The following LAMA2 variants were observed in gnomAD, a reference collection of about 807,000 sequenced individuals.
LAMA2 encodes laminin subunit alpha-2.
LAMA2 carries 269 observed loss-of-function variants against 364.8 expected under a neutral mutation model. That is an observed-to-expected ratio of 0.74 (90% CI 0.67 to 0.82). LAMA2 has a LOEUF of 0.82. Ranked by LOEUF, LAMA2 falls within the 40% of genes least tolerant of loss-of-function variation. The probability of loss-of-function intolerance (pLI) is 0.00; values close to 1 mark genes in which losing one functional copy is unlikely to be tolerated. For synonymous variants in LAMA2, 1,379 were observed against 1,370.6 expected (o/e 1.01, Z -0.14); for missense variants, 3,807 against 3,873.2 (o/e 0.98, Z 0.45).
rs545343848 is a variant in LAMA2, at chr6:129,360,176, A to G, written c.4718-6043A>G. 2.0e-5 allele frequency among the ~76,000 whole-genome samples: 3 copies of G among 152,268 alleles called. No homozygotes were observed. In the East Asian group the frequency reaches 5.8e-4, roughly 29 times the overall value. ...TTTGGAAAGGTTCTTTGAGGTCCTGATTGTAAGATAGGTGTTCATTTACAC... is the reference window on the plus strand; with the variant it reads ...TTTGGAAAGGTTCTTTGAGGTCCTGGTTGTAAGATAGGTGTTCATTTACAC... On this transcript the variant is annotated intron_variant, in intron 32 of 64. Transcript: ENST00000421865.
At chr6:129,256,584 A>G (rs1408950992) in intron 14 of LAMA2, among the ~76,000 whole-genome samples, 1 of 151,872 alleles carries the variant, frequency 6.6e-6, no homozygotes, top group African/African-American at 2.4e-5. Context: ...AAGTGTGCGC[A>G]GTGCATACTG....
chr6:129,167,831 T>G (rs1187133683), intron 9 of LAMA2, among the ~76,000 whole-genome samples: 1 of 151,214 alleles, frequency 6.6e-6, no homozygotes, highest in African/African-American at 2.5e-5. Flanking sequence ...ACCTGTTGTT[T>G]CCTGACTTTT....
intron 20 of LAMA2, chr6:129,292,980 G>GCGCAA: frequency 1.0e-6 from 1 of 985,886 alleles, no homozygotes; most frequent in South Asian, 4.7e-5. Flanking sequence ...GCCGCGGAGA[G>GCGCAA]CGCAACGGGT....
chr6:129,247,882 T>C (rs1252229128), intron 12 of LAMA2, among the ~76,000 whole-genome samples: 7 of 152,218 alleles, frequency 4.6e-5, no homozygotes, highest in Non-Finnish European at 1.0e-4. Flanking sequence ...ATCGCTGACC[T>C]GCATGAGGAG....
chr6:129,433,721 G>A (rs1449230714), intron 41 of LAMA2, among the ~76,000 whole-genome samples: 1 of 151,814 alleles, frequency 6.6e-6, no homozygotes, highest in African/African-American at 2.4e-5. Context: ...CATATGTTTA[G>A]GAAATATAAA....
chr6:128,917,406 T>C (rs1312803931), intron 1 of LAMA2, among the ~76,000 whole-genome samples: 1 of 152,088 alleles, frequency 6.6e-6, no homozygotes, highest in Non-Finnish European at 1.5e-5. Context: ...TTACTTTTTC[T>C]TTTATTCCTT....
intron 1 of LAMA2, among the ~76,000 whole-genome samples, chr6:128,918,559 T>C (rs931421966): frequency 6.6e-6 from 1 of 152,184 alleles, no homozygotes; most frequent in Non-Finnish European, 1.5e-5. Flanking sequence ...ATCTAGAAAA[T>C]TGTCACCCAA....
intron 9 of LAMA2, among the ~76,000 whole-genome samples, chr6:129,176,810 TTTGTTTATCTC>T (rs1365147427): frequency 6.6e-6 from 1 of 152,118 alleles, no homozygotes; most frequent in Non-Finnish European, 1.5e-5. Context: ...TCCTGTTCAT[TTTGTTTATCTC>T]TTGTGCACAT....
intron 1 of LAMA2, among the ~76,000 whole-genome samples, chr6:129,008,752 G>A (rs948305054): frequency 1.3e-5 from 2 of 152,154 alleles, no homozygotes; most frequent in Non-Finnish European, 2.9e-5. Context: ...TGGTGATACA[G>A]TCAGGAGCAA....
chr6:128,907,598 C>T (rs1265056761), intron 1 of LAMA2, among the ~76,000 whole-genome samples: 1 of 152,006 alleles, frequency 6.6e-6, no homozygotes. Context: ...AATTTGACTT[C>T]CTCTTTTCCT....
chr6:129,264,320 C>T (rs1787344500), intron 15 of LAMA2, among the ~76,000 whole-genome samples: 1 of 151,320 alleles, frequency 6.6e-6, no homozygotes, highest in Admixed American at 6.6e-5. Context: ...CATAGATGAC[C>T]AGTTTGAATG....
chr6:129,410,366 A>G (rs1244474632), intron 40 of LAMA2, among the ~76,000 whole-genome samples: 1 of 151,586 alleles, frequency 6.6e-6, no homozygotes, highest in Non-Finnish European at 1.5e-5. Flanking sequence ...CCCATGGCAA[A>G]TGGAGTTCTC....
chr6:128,890,542 T>TACACACAC (rs56972149), intron 1 of LAMA2, among the ~76,000 whole-genome samples: 11,309 of 147,328 alleles, frequency 0.077, 439 homozygotes, highest in Middle Eastern at 0.12. Flanking sequence ...TTCATTTAAA[T>TACACACAC]ACACACACAC....
chr6:129,196,810 T>C (rs921534719), intron 12 of LAMA2, among the ~76,000 whole-genome samples: 4 of 152,170 alleles, frequency 2.6e-5, no homozygotes, highest in African/African-American at 9.7e-5. Flanking sequence ...AACTTGGCAA[T>C]GGAGTAGAAC....
At chr6:129,203,912 C>G (rs530002523) in intron 12 of LAMA2, among the ~76,000 whole-genome samples, 1 of 152,284 alleles carries the variant, frequency 6.6e-6, no homozygotes, top group Non-Finnish European at 1.5e-5. Context: ...CGAAAATGTC[C>G]TTAGCACACA....
At chr6:129,390,235 A>T (rs1006037515) in intron 35 of LAMA2, among the ~76,000 whole-genome samples, 5 of 152,250 alleles carry the variant, frequency 3.3e-5, no homozygotes, top group African/African-American at 1.2e-4. Context: ...CCTCACCCCC[A>T]GAATTTCTGA....
intron 18 of LAMA2, among the ~76,000 whole-genome samples, chr6:129,281,294 A>G (rs1788700663): frequency 6.6e-6 from 1 of 152,164 alleles, no homozygotes; most frequent in Non-Finnish European, 1.5e-5. Context: ...TTGCCAAGAC[A>G]GATTTACATC....
chr6:129,074,622 G>GA (rs1330564389), intron 3 of LAMA2, among the ~76,000 whole-genome samples: 1 of 151,936 alleles, frequency 6.6e-6, no homozygotes, highest in African/African-American at 2.4e-5. Flanking sequence ...AATGGAAAGG[G>GA]AAAAAATATT....
At chr6:129,007,528 T>A (rs917762972) in intron 1 of LAMA2, among the ~76,000 whole-genome samples, 28 of 152,236 alleles carry the variant, frequency 1.8e-4, no homozygotes, top group Non-Finnish European at 7.3e-5. Context: ...AAATATGCTC[T>A]TCTGCCAAAT....
Sources: gnomAD v4.1 joint callset for allele counts (sites outside exome capture counted in the v4.1 genomes callset) on GRCh38, gnomAD v4.1.1 for gene constraint, MANE v1.5 for transcripts, NCBI Gene and HGNC (gene_info 2026-07-23, HGNC 2026-07-21) for gene names.